GREB1L: variants seen among roughly 807,000 people sequenced by gnomAD.
GREB1L encodes the protein GREB1-like protein.
Under a neutral mutation model 200.8 loss-of-function variants are expected in GREB1L, and 17 were observed. The ratio of observed to expected loss-of-function variants is 0.08; its 90% CI spans 0.06 to 0.13. The LOEUF (loss-of-function observed/expected upper bound fraction) is 0.13. Ranked by LOEUF, GREB1L falls within the 10% of genes least tolerant of loss-of-function variation. The probability of loss-of-function intolerance (pLI) is 1.00; values close to 1 mark genes in which losing one functional copy is unlikely to be tolerated. For missense variants in GREB1L, 1,657 were observed against 2,367.7 expected, an observed-to-expected ratio of 0.70 and a Z score of 6.23; for synonymous variants, 789 against 893.0, an observed-to-expected ratio of 0.88 and a Z score of 2.08.
chr18:21,484,139 T>C (rs1322884024), intron 17 of GREB1L, among the ~76,000 whole-genome samples: 2 of 151,502 alleles, frequency 1.3e-5, no homozygotes, highest in Non-Finnish European at 2.9e-5. Flanking sequence ...GATTGCTTAA[T>C]TTATTTTTAT....
At chr18:21,444,174 G>T in intron 10 of GREB1L, 50 bp from the exon 11 acceptor site, 1 of 1,352,458 alleles carries the variant, frequency 7.4e-7, no homozygotes, top group South Asian at 1.4e-5. Flanking sequence ...TACCTGGTTG[G>T]ACCATAAAAA....
At chr18:21,359,962 A>T (rs2039559065) in intron 1 of GREB1L, among the ~76,000 whole-genome samples, 1 of 152,186 alleles carries the variant, frequency 6.6e-6, no homozygotes, top group African/African-American at 2.4e-5. Context: ...GTAATTTGGT[A>T]GGAGGGTTGT....
intron 1 of GREB1L, among the ~76,000 whole-genome samples, chr18:21,358,553 G>A (rs985652677): frequency 6.6e-6 from 1 of 152,114 alleles, no homozygotes; most frequent in Non-Finnish European, 1.5e-5. Context: ...CTGACCTCGT[G>A]ATCCGCCCAC....
intron 4 of GREB1L, among the ~76,000 whole-genome samples, chr18:21,390,765 G>C (rs1243210983): frequency 6.6e-6 from 1 of 152,032 alleles, no homozygotes; most frequent in Non-Finnish European, 1.5e-5. Context: ...TCAATCTCTT[G>C]ACCTTGTGAT....
At chr18:21,406,398 A>G (rs1320968770) in intron 7 of GREB1L, among the ~76,000 whole-genome samples, 24 of 152,346 alleles carry the variant, frequency 1.6e-4, no homozygotes, top group Non-Finnish European at 5.9e-5. Context: ...TGGTAATTTG[A>G]CCATGAAAAT....
chr18:21,385,915 C>T (rs1277265693), intron 4 of GREB1L, among the ~76,000 whole-genome samples: 1 of 152,116 alleles, frequency 6.6e-6, no homozygotes, highest in Non-Finnish European at 1.5e-5. Context: ...TTTAGTTTGC[C>T]TTACAGGGTA....
chr18:21,340,774 AC>A (rs2039258587), intron 1 of GREB1L, among the ~76,000 whole-genome samples: 1 of 151,932 alleles, frequency 6.6e-6, no homozygotes, highest in Non-Finnish European at 1.5e-5. Context: ...TGAACTCCTG[AC>A]CTCATGATCC....
intron 17 of GREB1L, among the ~76,000 whole-genome samples, chr18:21,482,608 G>A (rs1453803617): frequency 1.4e-5 from 2 of 147,034 alleles, no homozygotes; most frequent in Non-Finnish European, 3.0e-5. Context: ...TTTGAGTTAA[G>A]ATGCAGGTGA....
intron 2 of GREB1L, among the ~76,000 whole-genome samples, chr18:21,372,728 C>T (rs1425757860): frequency 6.6e-6 from 1 of 151,916 alleles, no homozygotes. Context: ...TCAAGATCAG[C>T]CTGACCAATA....
intron 7 of GREB1L, among the ~76,000 whole-genome samples, chr18:21,410,652 C>G (rs1453366066): frequency 6.7e-6 from 1 of 149,418 alleles, no homozygotes; most frequent in Non-Finnish European, 1.5e-5. Context: ...AAAAAAAAGA[C>G]AAAGTGTTGA....
At position 21,477,221 on chromosome 18, in the gene GREB1L, C is replaced by G; in HGVS notation, c.2421C>G (p.Val807=). 6.4e-7 allele frequency: 1 copy of G among 1,552,088 alleles called. No individual in the cohort carries two copies. Among genetic ancestry groups the G allele is most frequent in the Non-Finnish European group, 8.7e-7 (1 of 1,147,056 alleles). The change falls in exon 17 of 33, where the codon GTC becomes GTG. Residue 807 remains valine (V), a synonymous_variant. Transcript: ENST00000424526. ...SEPSHGLADR[V]INCREVLEAF... The stretch of plus-strand genomic sequence containing the variant: ...CCAGTCATGGGCTAGCTGATAGAGT[C>G]ATTAATTGCAGAGAAGTTCTGGAAG...
At chr18:21,395,693 T>C in intron 5 of GREB1L, 132 bp downstream of exon 5, 1 of 626,446 alleles carries the variant, frequency 1.6e-6, no homozygotes, top group Non-Finnish European at 2.6e-6. Flanking sequence ...AGTTCAATTA[T>C]GAGACATTTT....
chr18:21,452,076 G>A lies in GREB1L; in HGVS notation c.1850-7G>A, dbSNP rs370971816. The A allele has an allele frequency of 6.4e-7, 1 of 1,551,574 alleles. No homozygotes were observed. Among genetic ancestry groups the A allele is most frequent in the Middle Eastern group, 1.7e-4 (1 of 5,988 alleles). ...CTTGTAACCTTCTTATCTCTATTTT[G>A]TAATAGGCGATGACCTAGACAAGCT... On this transcript the variant is annotated splice_region_variant and splice_polypyrimidine_tract_variant and intron_variant, in intron 13 of 32. Transcript: ENST00000424526.
intron 19 of GREB1L, among the ~76,000 whole-genome samples, chr18:21,492,487 G>A (rs1007569159): frequency 6.6e-6 from 1 of 152,202 alleles, no homozygotes; most frequent in African/African-American, 2.4e-5. Context: ...TGTTGACACT[G>A]ATTAAGTGAA....
At chr18:21,246,301 ATAAATGTTAGCTCTTATT>A (rs2037601234) in intron 1 of GREB1L, among the ~76,000 whole-genome samples, 2 of 152,222 alleles carry the variant, frequency 1.3e-5, no homozygotes, top group South Asian at 4.1e-4. Context: ...CATGAAACAC[ATAAATGTTAGCTCTTATT>A]TTTATTAGGA....
chr18:21,518,880 T>C (rs560435704), intron 31 of GREB1L, among the ~76,000 whole-genome samples: 2 of 152,298 alleles, frequency 1.3e-5, no homozygotes, highest in Non-Finnish European at 2.9e-5. Context: ...TACATCCTCC[T>C]TGTAAAAAAT....
intron 7 of GREB1L, among the ~76,000 whole-genome samples, chr18:21,432,709 T>TTC (rs1555646350): frequency 7.2e-5 from 10 of 139,100 alleles, no homozygotes; most frequent in East Asian, 4.0e-4. Context: ...TTTTTTCTTT[T>TTC]TTTTTTTTTT....
chr18:21,495,884 G>T, intron 20 of GREB1L, 99 bp downstream of exon 20: 1 of 647,620 alleles, frequency 1.5e-6, no homozygotes, highest in Non-Finnish European at 2.7e-6. Context: ...TGTTTGGCAG[G>T]TAATGAGAAG....
chr18:21,252,382 A>AC lies in GREB1L; in HGVS notation c.-120+9993dup, dbSNP rs199945425. ...AGACCAGCCTAACCAACATGGAGAA[A>AC]CCCCGTCTCCACTAAAAATACAAAA... On this transcript the variant is annotated intron_variant, in intron 1 of 32. Coordinates refer to ENST00000424526, the MANE Select transcript of GREB1L (RefSeq NM_001142966.3). Among the ~76,000 whole-genome samples, 113 of 151,572 alleles carry AC rather than the reference A, an allele frequency of 7.5e-4. 1 individual carries two copies. The East Asian group carries it at 0.02, about 27-fold the overall frequency.
Sources: gnomAD v4.1 joint callset for allele counts (sites outside exome capture counted in the v4.1 genomes callset) on GRCh38, gnomAD v4.1.1 for gene constraint, MANE v1.5 for transcripts, NCBI Gene and HGNC (gene_info 2026-07-23, HGNC 2026-07-21) for gene names.